ST8SIA4: variants seen among roughly 807,000 people sequenced by gnomAD.
ST8SIA4 encodes the protein CMP-N-acetylneuraminate-poly-alpha-2,8-sialyltransferase.
Under a neutral mutation model 33.9 loss-of-function variants are expected in ST8SIA4, and 15 were observed. The ratio of observed to expected loss-of-function variants is 0.44; its 90% CI spans 0.30 to 0.68. The LOEUF (loss-of-function observed/expected upper bound fraction) is 0.68. Ranked by LOEUF, ST8SIA4 falls within the 30% of genes least tolerant of loss-of-function variation. The pLI, the probability that ST8SIA4 is intolerant of heterozygous loss-of-function variation, is 0.10. For synonymous variants in ST8SIA4, 171 were observed against 151.2 expected (o/e 1.13, Z -0.96); for missense variants, 321 against 428.0 (o/e 0.75, Z 2.21).
At chr5:100,878,263 G>A (rs1018457002) in intron 3 of ST8SIA4, among the ~76,000 whole-genome samples, 6 of 151,714 alleles carry the variant, frequency 4.0e-5, no homozygotes, top group African/African-American at 9.7e-5. Context: ...CTGCAACCTC[G>A]GCCTCCCAGG....
At chr5:100,862,741 A>G (rs1177560635) in intron 3 of ST8SIA4, among the ~76,000 whole-genome samples, 1 of 152,128 alleles carries the variant, frequency 6.6e-6, no homozygotes, top group East Asian at 1.9e-4. Context: ...GCCAGGGAGC[A>G]TTCTCTGTGC....
intron 4 of ST8SIA4, among the ~76,000 whole-genome samples, chr5:100,843,226 C>G (rs1265665914): frequency 6.6e-6 from 1 of 151,798 alleles, no homozygotes; most frequent in East Asian, 1.9e-4. Flanking sequence ...GCAATATTTT[C>G]TTTAGGAGTG....
intron 4 of ST8SIA4, among the ~76,000 whole-genome samples, chr5:100,824,975 A>G (rs569836807): frequency 6.6e-6 from 1 of 152,096 alleles, no homozygotes; most frequent in East Asian, 1.9e-4. Context: ...GTGGGAGGAT[A>G]ACTTGAGCCC....
intron 1 of ST8SIA4, 31 bp downstream of exon 1, chr5:100,902,812 G>A: frequency 1.3e-6 from 2 of 1,549,088 alleles, no homozygotes; most frequent in East Asian, 2.3e-5. Context: ...TTGACTTTTT[G>A]TCATATCCTG....
chr5:100,879,353 G>C (rs1291659111), intron 3 of ST8SIA4, among the ~76,000 whole-genome samples: 1 of 152,042 alleles, frequency 6.6e-6, no homozygotes, highest in African/African-American at 2.4e-5. Flanking sequence ...TATAGAGAAA[G>C]GTTTAGAAAT....
At chr5:100,893,727 A>AT (rs914432934) in intron 2 of ST8SIA4, among the ~76,000 whole-genome samples, 1 of 152,082 alleles carries the variant, frequency 6.6e-6, no homozygotes, top group Non-Finnish European at 1.5e-5. Context: ...TACTTATTAG[A>AT]TTTTTTGCTA....
At chr5:100,842,084 T>C (rs1314841194) in intron 4 of ST8SIA4, among the ~76,000 whole-genome samples, 1 of 151,920 alleles carries the variant, frequency 6.6e-6, no homozygotes, top group African/African-American at 2.4e-5. Context: ...AATTATGTGA[T>C]TTCAAATATT....
chr5:100,839,585 C>G (rs937730281), intron 4 of ST8SIA4, among the ~76,000 whole-genome samples: 1 of 151,904 alleles, frequency 6.6e-6, no homozygotes, highest in Non-Finnish European at 1.5e-5. Flanking sequence ...AAATAATCTT[C>G]TCTTTATCTC....
In ST8SIA4 at chr5:100,900,574, T is replaced by C. The variant is rs1280130088; in HGVS notation, c.113+2269A>G. On this transcript the variant is annotated intron_variant, in intron 1 of 4. Coordinates refer to ENST00000231461, the MANE Select transcript of ST8SIA4 (RefSeq NM_005668.6). Reference sequence around the variant, plus strand: ...AGGGAGCCTAGCTGCCCTCGCATTGTTCCTGGCAGCTCCAACTCCTTGCAC... The same window carrying C: ...AGGGAGCCTAGCTGCCCTCGCATTGCTCCTGGCAGCTCCAACTCCTTGCAC... 4 of 448,532 alleles carry C rather than the reference T, an allele frequency of 8.9e-6. No homozygotes were observed. In the Admixed American group the frequency reaches 9.5e-5, roughly 11 times the overall value. The allele number at this position is 448,532 out of a possible 1,614,324, so 27.8% of individuals were successfully genotyped here.
At chr5:100,893,339 T>C (rs1455073281) in intron 2 of ST8SIA4, among the ~76,000 whole-genome samples, 1 of 152,182 alleles carries the variant, frequency 6.6e-6, no homozygotes, top group African/African-American at 2.4e-5. Context: ...TGTACAATAA[T>C]GGTTTTACAA....
intron 2 of ST8SIA4, among the ~76,000 whole-genome samples, chr5:100,894,406 C>CA (rs1281630053): frequency 6.6e-6 from 1 of 152,078 alleles, no homozygotes; most frequent in African/African-American, 2.4e-5. Context: ...AGACTCTACT[C>CA]ATCTATTCAT....
At chr5:100,830,799 ATGTG>A (rs1485448438) in intron 4 of ST8SIA4, among the ~76,000 whole-genome samples, 1 of 152,238 alleles carries the variant, frequency 6.6e-6, no homozygotes, top group Non-Finnish European at 1.5e-5. Flanking sequence ...CAAGAAATAT[ATGTG>A]TGTAAGTACA....
At chr5:100,829,493 T>C (rs1241152999) in intron 4 of ST8SIA4, among the ~76,000 whole-genome samples, 1 of 152,192 alleles carries the variant, frequency 6.6e-6, no homozygotes, top group Non-Finnish European at 1.5e-5. Flanking sequence ...ATTGAAACAA[T>C]AGGATATTGA....
intron 4 of ST8SIA4, among the ~76,000 whole-genome samples, chr5:100,846,669 C>T: frequency 6.6e-6 from 1 of 151,992 alleles, no homozygotes; most frequent in East Asian, 1.9e-4. Flanking sequence ...AGAGAAAAAT[C>T]CATACCAAGA....
chr5:100,895,835 G>A (rs1287387740), intron 1 of ST8SIA4, 50 bp from the exon 2 acceptor site: 4 of 1,601,158 alleles, frequency 2.5e-6, no homozygotes, highest in East Asian at 2.2e-5. Context: ...AACATTTTGT[G>A]TATACAGCAC....
intron 4 of ST8SIA4, chr5:100,849,510 G>A (rs978195451): frequency 1.1e-5 from 11 of 961,884 alleles, no homozygotes; most frequent in Non-Finnish European, 1.2e-5. Context: ...GGCTGAGCGC[G>A]GTGGCTCACG....
chr5:100,841,850 T>A (rs1011429762), intron 4 of ST8SIA4, among the ~76,000 whole-genome samples: 17 of 151,902 alleles, frequency 1.1e-4, no homozygotes, highest in Admixed American at 2.0e-4. Flanking sequence ...CCAGAGGTAT[T>A]ACATGCATTT....
At chr5:100,816,362 G>T in intron 4 of ST8SIA4, 1 of 397,132 alleles carries the variant, frequency 2.5e-6, no homozygotes, top group Non-Finnish European at 5.0e-6. Flanking sequence ...CACAGTTTTA[G>T]GAACAAAAAT....
intron 4 of ST8SIA4, among the ~76,000 whole-genome samples, chr5:100,852,978 C>A (rs1451949533): frequency 6.6e-6 from 1 of 152,144 alleles, no homozygotes; most frequent in East Asian, 1.9e-4. Context: ...ATTATACACA[C>A]CCTAAATTCT....
Sources: allele counts gnomAD v4.1 joint callset (sites outside exome capture counted in the v4.1 genomes callset), GRCh38; gene constraint gnomAD v4.1.1; transcripts MANE v1.5; gene names NCBI Gene and HGNC (gene_info 2026-07-23, HGNC 2026-07-21).